Variants in RAI14 observed in about 807,000 individuals in gnomAD.
RAI14 encodes retinoic acid induced 14, also known as ankycorbin.
In RAI14, 45 loss-of-function variants were observed where a neutral mutation model predicts 115.4. The observed-to-expected ratio is 0.39, with a 90% CI of 0.31 to 0.50. The LOEUF (loss-of-function observed/expected upper bound fraction) is 0.50, where lower values mean the gene tolerates loss of function less well. RAI14 is among the 20% of genes least tolerant of loss of function. The probability of loss-of-function intolerance (pLI) is 0.85; values close to 1 mark genes in which losing one functional copy is unlikely to be tolerated. For missense variants in RAI14, 939 were observed against 1,131.2 expected (o/e 0.83, Z 2.44); for synonymous variants, 371 against 415.4 (o/e 0.89, Z 1.30).
At chr5:34,686,714 G>T in intron 1 of RAI14, 158 bp from the exon 2 acceptor site, 1 of 392,798 alleles carries the variant, frequency 2.5e-6, no homozygotes. Flanking sequence ...GAAGTATATC[G>T]TAAGTGGAAA....
rs191627494 is a variant in RAI14 at position 34,751,423 on chromosome 5, G to A, written c.37-6045G>A. On this transcript the variant is annotated intron_variant, in intron 2 of 17. Transcript: ENST00000265109. ...CTCCCAAAGTGTTGGGATTACAGGT[G>A]TGAGCCACCTCACCCAGGCTATAAT... Among the ~76,000 whole-genome samples, 697 of 152,288 alleles carry A rather than the reference G, an allele frequency of 4.6e-3. 21 individuals are homozygous for A. Among genetic ancestry groups the A allele is most frequent in the Admixed American group, 0.03 (456 of 15,298 alleles).
At chr5:34,722,384 A>G (rs1156871242) in intron 2 of RAI14, among the ~76,000 whole-genome samples, 2 of 151,788 alleles carry the variant, frequency 1.3e-5, no homozygotes, top group African/African-American at 2.4e-5. Context: ...AGCCAAGGCA[A>G]GAGGTCCCAG....
At chr5:34,813,280 C>T (rs536667124) in intron 10 of RAI14, among the ~76,000 whole-genome samples, 2 of 152,304 alleles carry the variant, frequency 1.3e-5, no homozygotes, top group Non-Finnish European at 2.9e-5. Flanking sequence ...TGATTGTATT[C>T]TGGATTCTAA....
intron 5 of RAI14, among the ~76,000 whole-genome samples, chr5:34,804,915 T>C (rs1167054318): frequency 6.6e-6 from 1 of 152,236 alleles, no homozygotes; most frequent in Non-Finnish European, 1.5e-5. Context: ...ATTCCCATTC[T>C]GGCTTGGCTA....
chr5:34,766,046 G>A (rs916104213), intron 3 of RAI14, among the ~76,000 whole-genome samples: 4 of 152,222 alleles, frequency 2.6e-5, no homozygotes, highest in Non-Finnish European at 5.9e-5. Flanking sequence ...TCAAGAACTG[G>A]GTTTGGGAAA....
chr5:34,736,368 C>T (rs1744880963), intron 2 of RAI14, among the ~76,000 whole-genome samples: 1 of 152,164 alleles, frequency 6.6e-6, no homozygotes, highest in Non-Finnish European at 1.5e-5. Flanking sequence ...CCACCAGGCA[C>T]TCCAGCCTGG....
Position 34,814,505 on chromosome 5 carries a change from G to T in RAI14, c.853-78G>T, listed in dbSNP as rs890330495. 2.6e-5 allele frequency: 28 copies of T among 1,064,636 alleles called. No individual in the cohort carries two copies. The Admixed American group carries it at 4.1e-4, about 16-fold the overall frequency. The allele number at this position is 1,064,636 out of a possible 1,614,324, so 65.9% of individuals were successfully genotyped here. ...AGATTTCATTGCATTGGTTAAACAG[G>T]TTGATTCTTCGGCACTGGAGAAGAG... On this transcript the variant is annotated intron_variant, in intron 11 of 17. Coordinates refer to ENST00000265109, the MANE Select transcript of RAI14 (RefSeq NM_015577.3).
intron 2 of RAI14, chr5:34,688,380 T>C: frequency 1.1e-6 from 1 of 906,538 alleles, no homozygotes; most frequent in South Asian, 1.8e-5. Context: ...AGATTATTTT[T>C]AGCAAAATTT....
intron 2 of RAI14, among the ~76,000 whole-genome samples, chr5:34,704,985 G>T (rs1740520076): frequency 6.6e-6 from 1 of 152,054 alleles, no homozygotes; most frequent in Non-Finnish European, 1.5e-5. Flanking sequence ...TTAGAGACAG[G>T]GTCTCCCTTT....
At chr5:34,754,469 C>T (rs1747610604) in intron 2 of RAI14, among the ~76,000 whole-genome samples, 1 of 152,074 alleles carries the variant, frequency 6.6e-6, no homozygotes, top group Non-Finnish European at 1.5e-5. Flanking sequence ...CTCAAGCAAT[C>T]CTTCTGCTTT....
intron 2 of RAI14, among the ~76,000 whole-genome samples, chr5:34,741,525 A>AG (rs1196465349): frequency 1.3e-5 from 2 of 152,240 alleles, no homozygotes; most frequent in East Asian, 3.8e-4. Flanking sequence ...TAAAAATGGG[A>AG]GGAAAAAGTA....
intron 2 of RAI14, among the ~76,000 whole-genome samples, chr5:34,711,218 G>A (rs1486821216): frequency 2.6e-5 from 4 of 152,180 alleles, no homozygotes; most frequent in Non-Finnish European, 4.4e-5. Context: ...GGTTGAGTCC[G>A]AAAAGAGACT....
chr5:34,673,776 T>C (rs1743783075), intron 1 of RAI14, among the ~76,000 whole-genome samples: 1 of 152,082 alleles, frequency 6.6e-6, no homozygotes, highest in African/African-American at 2.4e-5. Context: ...CTGTCCCCTC[T>C]CTCAAACCAG....
intron 3 of RAI14, among the ~76,000 whole-genome samples, chr5:34,763,822 A>G (rs1748994728): frequency 6.6e-6 from 1 of 152,198 alleles, no homozygotes; most frequent in African/African-American, 2.4e-5. Context: ...AATGGGGTTC[A>G]GGTAACAGCA....
intron 1 of RAI14, chr5:34,684,884 TCTC>T (rs1169844600): frequency 1.3e-5 from 2 of 152,208 alleles, no homozygotes; most frequent in African/African-American, 4.8e-5. Flanking sequence ...ATTCCTCAGT[TCTC>T]CTCTGGGATG....
At chr5:34,796,945 G>A (rs368481097) in intron 4 of RAI14, among the ~76,000 whole-genome samples, 14 of 151,970 alleles carry the variant, frequency 9.2e-5, no homozygotes, top group East Asian at 3.9e-4. Flanking sequence ...TTTAAAGCTC[G>A]CTGGGTGATT....
intron 3 of RAI14, among the ~76,000 whole-genome samples, chr5:34,768,537 A>G (rs1749723241): frequency 6.6e-6 from 1 of 152,198 alleles, no homozygotes; most frequent in South Asian, 2.1e-4. Context: ...AAATTAGTAC[A>G]AATCGCCTGT....
chr5:34,757,336 AAC>A (rs1294290094), intron 2 of RAI14, 130 bp from the exon 3 acceptor site: 3 of 1,062,106 alleles, frequency 2.8e-6, no homozygotes, highest in Non-Finnish European at 4.3e-6. Flanking sequence ...GGTATTTTAA[AAC>A]ACACTCATTC....
rs536325112 is a variant in RAI14, at chr5:34,710,880, T to C, written c.36+23925T>C. Among the ~76,000 whole-genome samples the C allele has an allele frequency of 2.6e-5, 4 of 152,348 alleles. No individual in the cohort carries two copies. The South Asian group carries it at 8.3e-4, about 32-fold the overall frequency. On this transcript the variant is annotated intron_variant, in intron 2 of 17. Transcript: ENST00000265109. ...ATTTCTAGTAGACTATTCAATATCT[T>C]TCCTCTCCTTTCTTAGTAAAAGAAC...
Sources: allele counts gnomAD v4.1 joint callset (sites outside exome capture counted in the v4.1 genomes callset), GRCh38; gene constraint gnomAD v4.1.1; transcripts MANE v1.5; gene names NCBI Gene and HGNC (gene_info 2026-07-23, HGNC 2026-07-21).